PTPRD: variants seen among roughly 807,000 people sequenced by gnomAD.
The protein encoded by PTPRD is protein tyrosine phosphatase receptor type D.
Under a neutral mutation model 214.5 loss-of-function variants are expected in PTPRD, and 34 were observed. That is an observed-to-expected ratio of 0.16 (90% CI 0.12 to 0.21). The LOEUF (loss-of-function observed/expected upper bound fraction) is 0.21, where lower values mean the gene tolerates loss of function less well. Among genes scored for constraint, PTPRD ranks in the 10% least tolerant of loss-of-function variants. The pLI is 1.00. For synonymous variants in PTPRD, 1,128 were observed against 845.7 expected (o/e 1.33, Z -5.79); for missense variants, 2,545 against 2,398.7 (o/e 1.06, Z -1.27).
intron 11 of PTPRD, among the ~76,000 whole-genome samples, chr9:8,979,785 G>T (rs571331021): frequency 6.6e-6 from 1 of 152,184 alleles, no homozygotes; most frequent in East Asian, 1.9e-4. Context: ...ACTGTTCATG[G>T]GAATAGAGAT....
chr9:9,677,928 GACAA>G (rs1246075750), intron 7 of PTPRD, among the ~76,000 whole-genome samples: 23 of 152,042 alleles, frequency 1.5e-4, no homozygotes, highest in African/African-American at 4.3e-4. Context: ...ACCAATAACA[GACAA>G]ACAGAGAGCC....
At chr9:10,504,115 C>CAACAAAAAAAAAAAAAA (rs1555439817) in intron 2 of PTPRD, among the ~76,000 whole-genome samples, 1 of 26,970 alleles carries the variant, frequency 3.7e-5, no homozygotes, top group African/African-American at 1.8e-4. Flanking sequence ...GACTCTGTCT[C>CAACAAAAAAAAAAAAAA]AAAAAAAAAA....
intron 11 of PTPRD, among the ~76,000 whole-genome samples, chr9:8,964,192 G>GTTTTTTTTTTTTTTTT (rs71317391): frequency 2.8e-4 from 10 of 35,628 alleles, no homozygotes; most frequent in African/African-American, 3.5e-4. Flanking sequence ...TCAGGGCTGT[G>GTTTTTTTTTTTTTTTT]TTTTTTTTTT....
chr9:10,377,382 T>G (rs1017363780), intron 2 of PTPRD, among the ~76,000 whole-genome samples: 9 of 151,976 alleles, frequency 5.9e-5, no homozygotes, highest in Non-Finnish European at 8.8e-5. Flanking sequence ...TGTTGGTGTG[T>G]TGCACCCATT....
chr9:9,024,345 TTTGTTTG>T (rs1349739090), intron 10 of PTPRD, among the ~76,000 whole-genome samples: 1 of 48,276 alleles, frequency 2.1e-5, no homozygotes, highest in African/African-American at 5.7e-5. Context: ...TTTGTTTTTT[TTTGTTTG>T]TTTTTTTTTT....
intron 2 of PTPRD, among the ~76,000 whole-genome samples, chr9:10,493,043 G>C (rs759211610): frequency 8.5e-5 from 13 of 152,130 alleles, no homozygotes; most frequent in Non-Finnish European, 1.9e-4. Context: ...ACTTACAAGA[G>C]ATGTGAGGGA....
chr9:8,632,238 G>C lies in PTPRD; in HGVS notation c.352+1079C>G, dbSNP rs937718732. Among the ~76,000 whole-genome samples the C allele has an allele frequency of 2.6e-5, 4 of 151,378 alleles. No individual in the cohort carries two copies. In the South Asian group the frequency reaches 8.4e-4, roughly 32 times the overall value. On this transcript the variant is annotated intron_variant, in intron 14 of 45. Transcript: ENST00000381196. ...CTGGCCTCCAAATAAATAAGTTCTT[G>C]ACAATATCAATAGGGCTTACCTCCT...
At chr9:9,485,217 A>G (rs926744196) in intron 8 of PTPRD, among the ~76,000 whole-genome samples, 1 of 152,192 alleles carries the variant, frequency 6.6e-6, no homozygotes, top group African/African-American at 2.4e-5. Context: ...TGGGTAAAAA[A>G]ATTGAAGCAT....
intron 3 of PTPRD, among the ~76,000 whole-genome samples, chr9:10,291,234 C>G (rs1016017326): frequency 1.3e-5 from 2 of 151,002 alleles, no homozygotes; most frequent in African/African-American, 4.9e-5. Context: ...GAGCAGCCAT[C>G]ATGCAGTCAC....
intron 6 of PTPRD, among the ~76,000 whole-genome samples, chr9:9,741,798 T>C (rs1434241802): frequency 6.6e-6 from 1 of 152,240 alleles, no homozygotes; most frequent in Non-Finnish European, 1.5e-5. Context: ...TTCTTTTTTA[T>C]GGCTGCATAG....
At chr9:9,727,205 T>G (rs1225553412) in intron 7 of PTPRD, among the ~76,000 whole-genome samples, 7 of 152,142 alleles carry the variant, frequency 4.6e-5, no homozygotes, top group Non-Finnish European at 1.0e-4. Flanking sequence ...CCTATAATTC[T>G]GGCATTCTGG....
intron 14 of PTPRD, among the ~76,000 whole-genome samples, chr9:8,549,176 G>T (rs866439740): frequency 1.2e-4 from 19 of 152,266 alleles, no homozygotes; most frequent in African/African-American, 3.9e-4. Flanking sequence ...AATTATGATC[G>T]TTGGAAGAGA....
intron 10 of PTPRD, among the ~76,000 whole-genome samples, chr9:9,027,889 T>A (rs959463179): frequency 6.6e-5 from 10 of 151,958 alleles, no homozygotes; most frequent in Non-Finnish European, 1.5e-4. Flanking sequence ...GTTCTTGTCA[T>A]ATAAAGTGGT....
At chr9:10,192,008 G>C (rs1047914358) in intron 3 of PTPRD, among the ~76,000 whole-genome samples, 1 of 152,098 alleles carries the variant, frequency 6.6e-6, no homozygotes, top group Non-Finnish European at 1.5e-5. Context: ...AAATTGTTTT[G>C]TTGGTAATCA....
chr9:9,333,482 A>G (rs535683634), intron 9 of PTPRD, among the ~76,000 whole-genome samples: 1 of 132,816 alleles, frequency 7.5e-6, no homozygotes, highest in East Asian at 2.0e-4. Context: ...ATATATATAA[A>G]ACATATATAT....
At chr9:8,373,320 C>A (rs1374983454) in intron 39 of PTPRD, among the ~76,000 whole-genome samples, 1 of 151,886 alleles carries the variant, frequency 6.6e-6, no homozygotes, top group Non-Finnish European at 1.5e-5. Flanking sequence ...AATAAAGAGG[C>A]CAAAACTTCT....
At chr9:8,764,298 G>C (rs2094575567) in intron 11 of PTPRD, among the ~76,000 whole-genome samples, 1 of 152,098 alleles carries the variant, frequency 6.6e-6, no homozygotes, top group Non-Finnish European at 1.5e-5. Context: ...TTGCAAGAGA[G>C]GAAAACTCTT....
chr9:9,263,379 T>C (rs920151896), intron 9 of PTPRD, among the ~76,000 whole-genome samples: 2 of 151,690 alleles, frequency 1.3e-5, no homozygotes, highest in Non-Finnish European at 3.0e-5. Flanking sequence ...ACCTTCTCAG[T>C]TTAGTTCAAC....
chr9:9,481,410 A>G (rs71497142), intron 8 of PTPRD, among the ~76,000 whole-genome samples: 15,845 of 152,160 alleles, frequency 0.1, 855 homozygotes, highest in South Asian at 0.15. Context: ...TTTTGAAGAT[A>G]ATATGTCAAA....
Sources: allele counts gnomAD v4.1 joint callset (sites outside exome capture counted in the v4.1 genomes callset), GRCh38; gene constraint gnomAD v4.1.1; transcripts MANE v1.5; gene names NCBI Gene and HGNC (gene_info 2026-07-23, HGNC 2026-07-21).